Variants in ZFHX3 observed in about 807,000 individuals in gnomAD.
ZFHX3 encodes the protein zinc finger homeobox 3.
ZFHX3 carries 42 observed loss-of-function variants against 279.1 expected under a neutral mutation model. That is an observed-to-expected ratio of 0.15 (90% confidence interval 0.12 to 0.19). The LOEUF is 0.19. ZFHX3 is among the 10% of genes least tolerant of loss of function. ZFHX3 has a pLI of 1.00. For synonymous variants in ZFHX3, 2,293 were observed against 1,957.8 expected, an observed-to-expected ratio of 1.17 and a Z score of -4.52; for missense variants, 4,981 against 4,754.0, an observed-to-expected ratio of 1.05 and a Z score of -1.40.
intron 3 of ZFHX3, among the ~76,000 whole-genome samples, chr16:73,320,212 C>T (rs189519441): frequency 6.6e-6 from 1 of 152,148 alleles, no homozygotes; most frequent in Non-Finnish European, 1.5e-5. Context: ...ACATGGAATT[C>T]ATCGTTCAAA....
chr16:73,023,433 G>A (rs1206182111), intron 1 of ZFHX3, among the ~76,000 whole-genome samples: 1 of 152,128 alleles, frequency 6.6e-6, no homozygotes, highest in Non-Finnish European at 1.5e-5. Context: ...AAGGGGCGGA[G>A]GGAGGAAAGG....
At chr16:73,653,638 A>T (rs896405667) in intron 2 of ZFHX3, among the ~76,000 whole-genome samples, 1 of 152,176 alleles carries the variant, frequency 6.6e-6, no homozygotes, top group Non-Finnish European at 1.5e-5. Context: ...GGCAATGACT[A>T]CTTTCCCATT....
intron 8 of ZFHX3, among the ~76,000 whole-genome samples, chr16:73,089,673 G>C (rs932619241): frequency 3.3e-5 from 5 of 152,178 alleles, no homozygotes; most frequent in African/African-American, 1.2e-4. Flanking sequence ...CCCTGGATAG[G>C]ATGAATGTAC....
At chr16:73,631,935 A>T (rs62043003) in intron 2 of ZFHX3, among the ~76,000 whole-genome samples, 20,585 of 57,996 alleles carry the variant, frequency 0.35, 1,610 homozygotes, top group East Asian at 0.5. Context: ...TCTCACACAC[A>T]CACACACACA....
At chr16:72,848,648 C>A (rs79103207) in intron 4 of ZFHX3, among the ~76,000 whole-genome samples, 24,979 of 146,040 alleles carry the variant, frequency 0.17, 2,026 homozygotes, top group South Asian at 0.27. Context: ...CCCCCTCCCA[C>A]CCCCTATGCC....
rs72801408 is a variant in ZFHX3 at position 73,495,799 on chromosome 16, A to G, written c.-1546-39541T>C. On this transcript the variant is annotated intron_variant, in intron 2 of 17. Coordinates refer to the ZFHX3 transcript ENST00000641206. The stretch of plus-strand genomic sequence containing the variant: ...GCTTAGTGGCCAAGTGGCTAAATGC[A>G]GACAGAACACTTCATATCCTTCCCC... Among the ~76,000 whole-genome samples the G allele has an allele frequency of 2.7e-3, 414 of 152,358 alleles. 1 individual carries two copies. Among genetic ancestry groups the G allele is most frequent in the Admixed American group, 5.2e-3 (80 of 15,306 alleles).
chr16:73,617,780 A>T (rs535238780), intron 2 of ZFHX3, among the ~76,000 whole-genome samples: 27 of 151,872 alleles, frequency 1.8e-4, no homozygotes, highest in East Asian at 3.9e-4. Context: ...GTTTTTTTTT[A>T]AAAAATCTCA....
chr16:72,948,259 G>A (rs545623376), intron 3 of ZFHX3, among the ~76,000 whole-genome samples: 7 of 152,326 alleles, frequency 4.6e-5, no homozygotes, highest in Admixed American at 3.3e-4. Flanking sequence ...TCACTCCGGG[G>A]ATGTGCCGGC....
intron 3 of ZFHX3, among the ~76,000 whole-genome samples, chr16:72,895,334 A>T (rs1391433121): frequency 6.6e-6 from 1 of 152,176 alleles, no homozygotes; most frequent in Non-Finnish European, 1.5e-5. Context: ...AACTCAAGAA[A>T]ATCCAGTATC....
In ZFHX3 at chr16:72,964,050, C is replaced by A. The variant is rs1029105138; in HGVS notation, c.-49-3856G>T. On this transcript the variant is annotated intron_variant, in intron 1 of 9. Transcript: ENST00000268489. ...TGCGGGATCACTCAAGAGACATCAGCCAGCAGGCAAGGATGCCTGATTCCC... is the reference window on the plus strand; with the variant it reads ...TGCGGGATCACTCAAGAGACATCAGACAGCAGGCAAGGATGCCTGATTCCC... Among the ~76,000 whole-genome samples, 6 of 152,298 alleles carry A rather than the reference C, an allele frequency of 3.9e-5. No homozygotes were observed. In the East Asian group the frequency reaches 1.2e-3, roughly 29 times the overall value.
chr16:73,762,175 C>T (rs956326891), intron 1 of ZFHX3, among the ~76,000 whole-genome samples: 1 of 151,290 alleles, frequency 6.6e-6, no homozygotes, highest in African/African-American at 2.4e-5. Context: ...AGGCAAAGGA[C>T]ATGAACAGAT....
chr16:72,803,412 T>C (rs1489328734), intron 7 of ZFHX3, among the ~76,000 whole-genome samples: 1 of 152,088 alleles, frequency 6.6e-6, no homozygotes, highest in East Asian at 1.9e-4. Flanking sequence ...CACTGAAACA[T>C]GTAGGTTTAT....
intron 2 of ZFHX3, among the ~76,000 whole-genome samples, chr16:73,523,303 C>T (rs967962295): frequency 1.3e-5 from 2 of 152,212 alleles, no homozygotes; most frequent in Non-Finnish European, 2.9e-5. Context: ...GAGATCTCTT[C>T]CCACTCCAAT....
At chr16:73,814,183 A>G (rs1044546784) in intron 1 of ZFHX3, among the ~76,000 whole-genome samples, 1 of 152,202 alleles carries the variant, frequency 6.6e-6, no homozygotes, top group Non-Finnish European at 1.5e-5. Context: ...TTTAAGTGAA[A>G]TCAGGTAAAG....
At chr16:72,895,588 A>G (rs2038879616) in intron 3 of ZFHX3, among the ~76,000 whole-genome samples, 1 of 152,182 alleles carries the variant, frequency 6.6e-6, no homozygotes, top group African/African-American at 2.4e-5. Context: ...CTGGGAGGCC[A>G]AGGAAGGAGG....
At chr16:73,605,526 G>C (rs2052168355) in intron 2 of ZFHX3, among the ~76,000 whole-genome samples, 1 of 152,146 alleles carries the variant, frequency 6.6e-6, no homozygotes, top group African/African-American at 2.4e-5. Context: ...GTTTGTCTGG[G>C]TAAGTTAAAT....
intron 3 of ZFHX3, among the ~76,000 whole-genome samples, chr16:72,925,813 G>A (rs1597383360): frequency 6.6e-6 from 1 of 152,210 alleles, no homozygotes; most frequent in African/African-American, 2.4e-5. Context: ...AGCCAAGGGT[G>A]GGCAGTGACC....
At chr16:73,651,068 A>G (rs2052665814) in intron 2 of ZFHX3, among the ~76,000 whole-genome samples, 1 of 152,206 alleles carries the variant, frequency 6.6e-6, no homozygotes, top group Admixed American at 6.5e-5. Flanking sequence ...CTATAAAAAT[A>G]TGTTCTAACA....
chr16:72,984,379 T>A (rs1197683580), intron 1 of ZFHX3, among the ~76,000 whole-genome samples: 1 of 152,102 alleles, frequency 6.6e-6, no homozygotes, highest in East Asian at 1.9e-4. Flanking sequence ...ATAATCCCAG[T>A]ACTCTGGGAG....
Sources: allele counts gnomAD v4.1 joint callset (sites outside exome capture counted in the v4.1 genomes callset), GRCh38; gene constraint gnomAD v4.1.1; transcripts MANE v1.5; gene names NCBI Gene and HGNC (gene_info 2026-07-23, HGNC 2026-07-21).